Variants in CEP128 observed in about 807,000 individuals in gnomAD.
CEP128 encodes centrosomal protein 128kDa.
Under a neutral mutation model 156.7 loss-of-function variants are expected in CEP128, and 132 were observed. The observed-to-expected ratio is 0.84, with a 90% CI of 0.73 to 0.97. The LOEUF (loss-of-function observed/expected upper bound fraction) is 0.97, where lower values mean the gene tolerates loss of function less well. Ranked by LOEUF, CEP128 falls within the 50% of genes least tolerant of loss-of-function variation. The pLI is 0.00. For missense variants in CEP128, 1,252 were observed against 1,281.9 expected (o/e 0.98, Z 0.36); for synonymous variants, 469 against 448.9 (o/e 1.04, Z -0.57).
chr14:80,791,001 T>C (rs78584986), intron 14 of CEP128, among the ~76,000 whole-genome samples: 2,618 of 152,270 alleles, frequency 0.017, 38 homozygotes, highest in Non-Finnish European at 0.028. Flanking sequence ...TTGAAAATAA[T>C]TAGCCCTAAA....
At chr14:80,519,290 T>C (rs1478132511) in intron 23 of CEP128, among the ~76,000 whole-genome samples, 4 of 152,216 alleles carry the variant, frequency 2.6e-5, no homozygotes, top group African/African-American at 7.2e-5. Flanking sequence ...CACATTGTAA[T>C]TGGTTTTTAA....
At chr14:80,633,034 C>T (rs1339892963) in intron 19 of CEP128, among the ~76,000 whole-genome samples, 1 of 151,974 alleles carries the variant, frequency 6.6e-6, no homozygotes, top group Admixed American at 6.6e-5. Context: ...CAAGAGCAGC[C>T]TGGGCAACAT....
At chr14:80,585,183 T>C (rs992067164) in intron 19 of CEP128, among the ~76,000 whole-genome samples, 1 of 152,248 alleles carries the variant, frequency 6.6e-6, no homozygotes, top group Non-Finnish European at 1.5e-5. Flanking sequence ...TGGATGAGAA[T>C]TGGATGATCC....
chr14:80,501,312 T>C (rs1425906362), intron 24 of CEP128, among the ~76,000 whole-genome samples: 1 of 152,114 alleles, frequency 6.6e-6, no homozygotes, highest in African/African-American at 2.4e-5. Context: ...AGAAGATGAC[T>C]TCAAAGGAGT....
At chr14:80,804,774 A>G (rs1884076726) in intron 13 of CEP128, among the ~76,000 whole-genome samples, 1 of 152,180 alleles carries the variant, frequency 6.6e-6, no homozygotes, top group African/African-American at 2.4e-5. Flanking sequence ...GAGATGCTTT[A>G]GTTTTAACTA....
intron 15 of CEP128, among the ~76,000 whole-genome samples, chr14:80,784,380 T>C (rs1000530386): frequency 5.9e-5 from 9 of 151,976 alleles, no homozygotes; most frequent in African/African-American, 1.9e-4. Context: ...GCTAACAACA[T>C]TAGACCTTAG....
intron 9 of CEP128, among the ~76,000 whole-genome samples, chr14:80,850,271 T>C (rs1886824172): frequency 6.6e-6 from 1 of 152,192 alleles, no homozygotes; most frequent in African/African-American, 2.4e-5. Flanking sequence ...TTTTTTTCAT[T>C]TGTGAGGCTA....
chr14:80,684,976 C>T (rs1047840190), intron 19 of CEP128, among the ~76,000 whole-genome samples: 2 of 152,114 alleles, frequency 1.3e-5, no homozygotes, highest in Non-Finnish European at 1.5e-5. Context: ...TTATGCCAAA[C>T]TCACAGTCAA....
chr14:80,764,773 G>A (rs1262015590), intron 16 of CEP128, among the ~76,000 whole-genome samples: 1 of 152,176 alleles, frequency 6.6e-6, no homozygotes, highest in African/African-American at 2.4e-5. Context: ...CTCTCCATCA[G>A]TGTCCAAGCT....
chr14:80,911,544 T>C (rs377091373), intron 4 of CEP128, among the ~76,000 whole-genome samples: 6 of 152,116 alleles, frequency 3.9e-5, no homozygotes, highest in African/African-American at 9.7e-5. Flanking sequence ...AATAGAAATA[T>C]GTGATTCAGA....
intron 19 of CEP128, among the ~76,000 whole-genome samples, chr14:80,667,596 C>T (rs142625059): frequency 0.019 from 2,831 of 152,196 alleles, 87 homozygotes; most frequent in African/African-American, 0.06. Context: ...CGGTGGCTCA[C>T]GCCTGTAATC....
At chr14:80,770,381 G>A (rs1303403968) in intron 16 of CEP128, among the ~76,000 whole-genome samples, 1 of 152,086 alleles carries the variant, frequency 6.6e-6, no homozygotes, top group African/African-American at 2.4e-5. Context: ...CTTTGCCACA[G>A]CTGCACATAT....
At chr14:80,560,501 G>A (rs78460377) in intron 20 of CEP128, among the ~76,000 whole-genome samples, 12,798 of 152,142 alleles carry the variant, frequency 0.084, 681 homozygotes, top group African/African-American at 0.14. Context: ...TTAATTAATC[G>A]TCTAAAGAAG....
At chr14:80,931,340 T>C (rs1885452998) in intron 2 of CEP128, among the ~76,000 whole-genome samples, 1 of 152,328 alleles carries the variant, frequency 6.6e-6, no homozygotes, top group Non-Finnish European at 1.5e-5. Flanking sequence ...GTGTCATCCA[T>C]GGAGAAATGC....
At chr14:80,915,687 A>T (rs1884507556) in intron 3 of CEP128, among the ~76,000 whole-genome samples, 1 of 152,104 alleles carries the variant, frequency 6.6e-6, no homozygotes, top group South Asian at 2.1e-4. Context: ...AATCTACCTC[A>T]CCAAAACATG....
intron 14 of CEP128, among the ~76,000 whole-genome samples, chr14:80,479,739 C>T (rs901852894): frequency 2.0e-5 from 3 of 152,180 alleles, no homozygotes; most frequent in African/African-American, 7.2e-5. Flanking sequence ...CCCTGAAAGT[C>T]TTAACTCATT....
intron 14 of CEP128, among the ~76,000 whole-genome samples, chr14:80,789,781 G>A (rs371566192): frequency 1.8e-4 from 27 of 151,322 alleles, no homozygotes; most frequent in Middle Eastern, 3.5e-3. Context: ...ACTCCTCAAA[G>A]ACGTGAATAC....
chr14:80,492,940 G>A (rs1278463640), downstream of CEP128, among the ~76,000 whole-genome samples: 2 of 151,978 alleles, frequency 1.3e-5, no homozygotes, highest in South Asian at 2.1e-4. Context: ...ATTGTTGGTA[G>A]TTTAGTATCC....
intron 21 of CEP128, among the ~76,000 whole-genome samples, chr14:80,539,000 G>A (rs1387701413): frequency 6.6e-6 from 1 of 152,184 alleles, no homozygotes; most frequent in East Asian, 1.9e-4. Context: ...TTCCACCAAA[G>A]TGCCTGACCC....
Sources: allele counts gnomAD v4.1 joint callset (sites outside exome capture counted in the v4.1 genomes callset), GRCh38; gene constraint gnomAD v4.1.1; transcripts MANE v1.5; gene names NCBI Gene and HGNC (gene_info 2026-07-23, HGNC 2026-07-21).